The following NHS variants were observed in gnomAD, a reference collection of about 807,000 sequenced individuals.
NHS encodes the protein NHS actin remodeling regulator.
Under a neutral mutation model 72.5 loss-of-function variants are expected in NHS, and 5 were observed. That is an observed-to-expected ratio of 0.07 (90% CI 0.04 to 0.14). The LOEUF (loss-of-function observed/expected upper bound fraction) is 0.14. Among genes scored for constraint, NHS ranks in the 10% least tolerant of loss-of-function variants. The pLI, the probability that NHS is intolerant of heterozygous loss-of-function variation, is 1.00. For synonymous variants in NHS, 464 were observed against 547.7 expected, an observed-to-expected ratio of 0.85 and a Z score of 2.13; for missense variants, 1,072 against 1,355.7, an observed-to-expected ratio of 0.79 and a Z score of 3.29.
At chrX:17,641,321 C>T (rs145508402) in intron 1 of NHS, among the ~76,000 whole-genome samples, 6,275 of 111,408 alleles carry the variant, frequency 0.056, 421 homozygotes, top group African/African-American at 0.19. Context: ...GTGGCAGGCC[C>T]AGCCACTGAT....
chrX:17,523,115 T>A (rs1194664682), intron 1 of NHS, among the ~76,000 whole-genome samples: 1 of 112,389 alleles, frequency 8.9e-6, no homozygotes. Context: ...GTTCTGTCGC[T>A]AAGTATCATG....
intron 1 of NHS, among the ~76,000 whole-genome samples, chrX:17,574,769 C>T (rs756868996): frequency 8.3e-4 from 92 of 111,323 alleles, no homozygotes; most frequent in Non-Finnish European, 1.2e-3. Context: ...AGAAATCACC[C>T]GTCTTCTGCA....
chrX:17,475,630 G>A (rs778225283), intron 1 of NHS, among the ~76,000 whole-genome samples: 1 of 112,154 alleles, frequency 8.9e-6, no homozygotes, highest in Non-Finnish European at 1.9e-5. Context: ...CCAACAGCCT[G>A]TGATCATTGG....
chrX:17,459,131 A>C, intron 1 of NHS, among the ~76,000 whole-genome samples: 1 of 112,912 alleles, frequency 8.9e-6, no homozygotes, highest in Non-Finnish European at 1.9e-5. Context: ...GCTTGATTGC[A>C]TACATAAATT....
At chrX:17,561,574 G>GCACACACACACA (rs530971006) in intron 1 of NHS, among the ~76,000 whole-genome samples, 798 of 65,392 alleles carry the variant, frequency 0.012, 10 homozygotes, top group East Asian at 0.021. Context: ...GCGCGCGCGC[G>GCACACACACACA]CACACACACA....
intron 1 of NHS, among the ~76,000 whole-genome samples, chrX:17,487,468 T>C (rs1269163088): frequency 1.8e-5 from 2 of 111,998 alleles, no homozygotes; most frequent in Non-Finnish European, 3.8e-5. Flanking sequence ...ATGGGATTGA[T>C]GTCATGGCAA....
chrX:17,493,710 T>G (rs961853170), intron 1 of NHS, among the ~76,000 whole-genome samples: 4 of 111,731 alleles, frequency 3.6e-5, no homozygotes, highest in African/African-American at 9.7e-5. Context: ...TTATTAGAAA[T>G]GCAGAATCTC....
Position 17,650,512 on chromosome X carries a change from T to C in NHS, c.566-37230T>C, listed in dbSNP as rs181903947. Among the ~76,000 whole-genome samples the C allele has an allele frequency of 2.0e-4, 22 of 112,357 alleles. No individual in the cohort carries two copies. The Admixed American group carries it at 2.0e-3, about 10-fold the overall frequency. Reference sequence around the variant, plus strand: ...AGACTGTCAAAGTATTTGGGCTCCATTGGCTTCCTCCAATCTTTCTCCCCT... The same window carrying C: ...AGACTGTCAAAGTATTTGGGCTCCACTGGCTTCCTCCAATCTTTCTCCCCT... On this transcript the variant is annotated intron_variant, in intron 1 of 8. Coordinates refer to ENST00000676302, the MANE Select transcript of NHS (RefSeq NM_001291867.2).
At chrX:17,451,476 C>T (rs910611494) in intron 1 of NHS, among the ~76,000 whole-genome samples, 2 of 112,638 alleles carry the variant, frequency 1.8e-5, no homozygotes, top group East Asian at 2.8e-4. Flanking sequence ...TATAGTACCA[C>T]GTCCTTTCAC....
chrX:17,569,127 C>A (rs1325442029), intron 1 of NHS, among the ~76,000 whole-genome samples: 1 of 111,588 alleles, frequency 9.0e-6, no homozygotes, highest in African/African-American at 3.3e-5. Context: ...AATAAACATA[C>A]GTGTGCATGT....
Position 17,731,930 on chromosome X carries a change from C to G in NHS, c.4422C>G (p.Leu1474=), listed in dbSNP as rs760092654. 1 of 1,211,337 alleles carries G rather than the reference C, an allele frequency of 8.3e-7. No homozygotes were observed. The highest frequency in any genetic ancestry group is 1.1e-6 in the Non-Finnish European group (1 of 895,293). ...MSVRSKSRAP[L]SSSSSSASSI... ...TTCGAAGCAAATCGAGAGCTCCCCT[C>G]AGCAGTAGCAGCAGCAGCGCCAGTT... Residue 1474 remains leucine, a synonymous_variant, in exon 9 of 9, where the codon CTC becomes CTG. Transcript: ENST00000676302.
chrX:17,503,379 T>G (rs113245691), intron 1 of NHS, among the ~76,000 whole-genome samples: 3,810 of 112,243 alleles, frequency 0.034, 167 homozygotes, highest in African/African-American at 0.12. Flanking sequence ...GACTTTATTT[T>G]GCTTAAAGAA....
intron 1 of NHS, among the ~76,000 whole-genome samples, chrX:17,377,006 A>AG (rs1279691106): frequency 1.8e-5 from 2 of 112,521 alleles, no homozygotes; most frequent in Non-Finnish European, 1.9e-5. Context: ...TGGGAGTGTC[A>AG]GGGGCCCCGG....
intron 1 of NHS, among the ~76,000 whole-genome samples, chrX:17,476,614 C>T (rs1219310106): frequency 9.0e-6 from 1 of 110,921 alleles, no homozygotes; most frequent in Non-Finnish European, 1.9e-5. Flanking sequence ...GTAACACTAC[C>T]TGTAGGTAGT....
chrX:17,601,971 G>A (rs1199290020), intron 1 of NHS, among the ~76,000 whole-genome samples: 1 of 111,907 alleles, frequency 8.9e-6, no homozygotes, highest in Non-Finnish European at 1.9e-5. Context: ...AACCTTGAGA[G>A]TCACTTTTCA....
chrX:17,716,558 T>A (rs916674065), intron 3 of NHS, among the ~76,000 whole-genome samples: 2 of 111,211 alleles, frequency 1.8e-5, no homozygotes, highest in African/African-American at 3.3e-5. Flanking sequence ...AGAACCAGGT[T>A]AGTGTCTGAA....
intron 3 of NHS, among the ~76,000 whole-genome samples, chrX:17,718,036 G>A (rs947454735): frequency 9.0e-6 from 1 of 111,417 alleles, no homozygotes; most frequent in Admixed American, 9.5e-5. Flanking sequence ...AATAATAATT[G>A]TTGTAGTAGT....
rs757310734 is a variant in NHS at position 17,728,253 on chromosome X, A to G, written c.4147A>G (p.Ile1383Val). Residue 1383 changes from isoleucine to valine, a missense_variant, in exon 7 of 9, where the codon ATT becomes GTT. Physicochemically the swap from Ile to Val is conservative, Grantham distance 29 (BLOSUM62 3). Transcript: ENST00000676302. ...CSKQENIASG[I>V]SAKSASDNSK... Reference sequence around the variant, plus strand: ...CAAGCAGGAAAATATTGCTTCAGGTATTTCAGCCAAAAGTGCCTCTGATAA... The same window carrying G: ...CAAGCAGGAAAATATTGCTTCAGGTGTTTCAGCCAAAAGTGCCTCTGATAA... 7.4e-6 allele frequency: 9 copies of G among 1,210,381 alleles called. No individual in the cohort carries two copies. The highest frequency in any genetic ancestry group is 1.0e-5 in the Non-Finnish European group (9 of 895,348).
At chrX:17,570,704 A>G (rs962461625) in intron 1 of NHS, among the ~76,000 whole-genome samples, 3 of 111,537 alleles carry the variant, frequency 2.7e-5, no homozygotes, top group Admixed American at 9.5e-5. Flanking sequence ...TTCCAATACT[A>G]TGTTGAATAG....
Sources: allele counts gnomAD v4.1 joint callset (sites outside exome capture counted in the v4.1 genomes callset), GRCh38; gene constraint gnomAD v4.1.1; transcripts MANE v1.5; gene names NCBI Gene and HGNC (gene_info 2026-07-23, HGNC 2026-07-21).